The following GATAD2B variants were observed in gnomAD, a reference collection of about 807,000 sequenced individuals.
The protein encoded by GATAD2B is GATA zinc finger domain containing 2B.
In GATAD2B, 8 loss-of-function variants were observed where a neutral mutation model predicts 64.3. That is an observed-to-expected ratio of 0.12 (90% CI 0.07 to 0.22). The LOEUF (loss-of-function observed/expected upper bound fraction) is 0.22, where lower values mean the gene tolerates loss of function less well. GATAD2B is among the 10% of genes least tolerant of loss of function. The pLI, the probability that GATAD2B is intolerant of heterozygous loss-of-function variation, is 1.00. For missense variants in GATAD2B, 453 were observed against 752.0 expected (o/e 0.60, Z 4.65); for synonymous variants, 281 against 271.3 (o/e 1.04, Z -0.35).
At chr1:153,838,714 G>T (rs905155940) in intron 1 of GATAD2B, among the ~76,000 whole-genome samples, 1 of 152,150 alleles carries the variant, frequency 6.6e-6, no homozygotes, top group Non-Finnish European at 1.5e-5. Flanking sequence ...AGGAGTTGGT[G>T]ACTTAGATTT....
In GATAD2B at chr1:153,817,439, C is replaced by T; in HGVS notation, c.833G>A (p.Gly278Asp). ...PNPAQLQGQR[G>D]PPKPGLVRTT... ...GCGTACAAGGCCAGGCTTAGGCGGG[C>T]CCCGCTGACCCTGTAGCTGGGCTGG... Residue 278 changes from glycine to aspartate, a missense_variant, in exon 6 of 11, where the codon GGC becomes GAC. Transcript: ENST00000368655. The T allele has an allele frequency of 6.2e-7, 1 of 1,612,184 alleles. No homozygotes were observed. Among genetic ancestry groups the T allele is most frequent in the Non-Finnish European group, 8.5e-7 (1 of 1,179,426 alleles).
chr1:153,862,730 T>C (rs1250841243), intron 1 of GATAD2B, among the ~76,000 whole-genome samples: 1 of 148,568 alleles, frequency 6.7e-6, no homozygotes, highest in Non-Finnish European at 1.5e-5. Context: ...TATTTCTTTT[T>C]TTTTTTTTTT....
intron 1 of GATAD2B, chr1:153,890,889 T>C (rs972401534): frequency 5.3e-5 from 8 of 152,242 alleles, no homozygotes; most frequent in African/African-American, 1.9e-4. Flanking sequence ...AGTTTTTCTT[T>C]AATAAAATGT....
rs377502166 is a variant in GATAD2B, at chr1:153,812,026, C to T, written c.1526G>A (p.Arg509Gln). 1.9e-6 allele frequency: 3 copies of T among 1,590,376 alleles called. No homozygotes were observed. The highest frequency in any genetic ancestry group is 1.3e-5 in the African/African-American group (1 of 74,446). The change falls in exon 9 of 11, where the codon CGG (arginine) becomes CAG (glutamine). Residue 509 changes from arginine (R) to glutamine (Q), a missense_variant. Physicochemically the swap from Arg to Gln is conservative, Grantham distance 43. Transcript: ENST00000368655. ...QETIMRHHTL[R>Q]QAPQPQSSLQ... ...ATCAGGCAAAAAGTTCCTTACCTGC[C>T]GAAGCGTATGATGTCTCATGATGGT...
rs953679742 is a variant in GATAD2B at position 153,804,882 on chromosome 1, T to C, written c.*5295A>G. On this transcript the variant is annotated 3_prime_UTR_variant, in exon 11 of 11. Coordinates refer to ENST00000368655, the MANE Select transcript of GATAD2B (RefSeq NM_020699.4). ...GCATCTGAAACAGATGGGAGTGTAT[T>C]TGCCTTTTTGAAAACCAGTTTCTAT... is the stretch of plus-strand genomic sequence containing the variant. 6.5e-6 allele frequency: 1 copy of C among 152,746 alleles called. No homozygotes were observed. Among genetic ancestry groups the C allele is most frequent in the Non-Finnish European group, 1.5e-5 (1 of 68,032 alleles). The allele number at this position is 152,746 out of a possible 1,614,324, so 9.5% of individuals were successfully genotyped here.
chr1:153,894,946 G>A (rs1482007811), intron 1 of GATAD2B, among the ~76,000 whole-genome samples: 1 of 152,038 alleles, frequency 6.6e-6, no homozygotes, highest in East Asian at 1.9e-4. Context: ...ATCACCTGAG[G>A]TCAGGAGCTC....
At chr1:153,882,487 C>A (rs1486423928) in intron 1 of GATAD2B, among the ~76,000 whole-genome samples, 1 of 152,184 alleles carries the variant, frequency 6.6e-6, no homozygotes, top group Non-Finnish European at 1.5e-5. Flanking sequence ...CCGTTCAGGG[C>A]AGCTGAATCC....
At chr1:153,901,421 T>C (rs1391741867) in intron 1 of GATAD2B, among the ~76,000 whole-genome samples, 1 of 152,082 alleles carries the variant, frequency 6.6e-6, no homozygotes, top group Non-Finnish European at 1.5e-5. Flanking sequence ...ACGAGAGTGA[T>C]GCGTAGAGGG....
intron 1 of GATAD2B, among the ~76,000 whole-genome samples, chr1:153,848,533 T>TA (rs1675768336): frequency 6.6e-6 from 1 of 152,194 alleles, no homozygotes; most frequent in African/African-American, 2.4e-5. Flanking sequence ...CTTCTAACTG[T>TA]AAAAATGAAG....
intron 8 of GATAD2B, among the ~76,000 whole-genome samples, chr1:153,812,904 C>T (rs528043223): frequency 4.6e-5 from 7 of 152,268 alleles, no homozygotes; most frequent in East Asian, 3.9e-4. Flanking sequence ...TTATCAAACA[C>T]GCACTGCAAA....
chr1:153,895,163 A>G (rs1437905706), intron 1 of GATAD2B, among the ~76,000 whole-genome samples: 1 of 151,830 alleles, frequency 6.6e-6, no homozygotes. Flanking sequence ...CGTCTCAAAA[A>G]CAAACAAACA....
At chr1:153,899,657 GT>G (rs1484707370) in intron 1 of GATAD2B, among the ~76,000 whole-genome samples, 1 of 151,576 alleles carries the variant, frequency 6.6e-6, no homozygotes, top group East Asian at 1.9e-4. Flanking sequence ...AAAGACAACT[GT>G]TTTTTTTGAA....
rs571417389 is a variant in GATAD2B, at chr1:153,808,938, A to T, written c.*1239T>A. ...TTTGGCTTTGAGCAGTTGGTTCTGCAGCTGGTGCAGCAGAGTAAGGACAGG... is the reference window on the plus strand; with the variant it reads ...TTTGGCTTTGAGCAGTTGGTTCTGCTGCTGGTGCAGCAGAGTAAGGACAGG... On this transcript the variant is annotated 3_prime_UTR_variant, in exon 11 of 11. Coordinates refer to ENST00000368655, the MANE Select transcript of GATAD2B (RefSeq NM_020699.4). The T allele has an allele frequency of 1.3e-5, 2 of 152,210 alleles. No homozygotes were observed. The highest frequency in any genetic ancestry group is 2.9e-5 in the Non-Finnish European group (2 of 68,066). 9.4% of individuals were successfully genotyped at this position (152,210 alleles called of 1,614,324 possible). A position where few individuals can be genotyped will look rare whatever the true frequency, so the allele number is the denominator to read the frequency against.
rs751862065 is a variant in GATAD2B, at chr1:153,816,636, G to C, written c.901-48C>G. On this transcript the variant is annotated intron_variant, in intron 6 of 10. Transcript: ENST00000368655. The surrounding 1 kb of genome is among the most constrained non-coding windows in gnomAD (Gnocchi z 4.9). ...TCAATCATGGTATGCAGGAGAAAGG[G>C]CCAATTCTTACGTTCTTGGCAGAGG... The C allele has an allele frequency of 7.7e-7, 1 of 1,300,752 alleles. No individual in the cohort carries two copies. Among genetic ancestry groups the C allele is most frequent in the South Asian group, 1.2e-5 (1 of 81,342 alleles). The allele number at this position is 1,300,752 out of a possible 1,614,324, so 80.6% of individuals were successfully genotyped here. A position where few individuals can be genotyped will look rare whatever the true frequency, so the allele number is the denominator to read the frequency against.
At chr1:153,815,275 A>AAAAAC (rs1329804575) in intron 7 of GATAD2B, among the ~76,000 whole-genome samples, 6 of 136,758 alleles carry the variant, frequency 4.4e-5, no homozygotes, top group Non-Finnish European at 9.8e-5. Context: ...CCTGTCTCAA[A>AAAAAC]AAAACAAAAA....
chr1:153,920,161 G>A (rs1678386231), intron 1 of GATAD2B, among the ~76,000 whole-genome samples: 1 of 152,176 alleles, frequency 6.6e-6, no homozygotes, highest in African/African-American at 2.4e-5. Flanking sequence ...AGGAAAGGAA[G>A]AAGAATCAGT....
intron 1 of GATAD2B, among the ~76,000 whole-genome samples, chr1:153,841,124 CAAAAAAAA>C (rs941317761): frequency 2.6e-5 from 2 of 77,438 alleles, no homozygotes; most frequent in African/African-American, 1.1e-4. Flanking sequence ...GACTCCGTCT[CAAAAAAAA>C]AAAAAAAAAG....
intron 6 of GATAD2B, among the ~76,000 whole-genome samples, 173 bp downstream of exon 6, chr1:153,817,189 TTTTAATATAA>T (rs1173916626): frequency 6.6e-6 from 1 of 152,248 alleles, no homozygotes; most frequent in Non-Finnish European, 1.5e-5. Flanking sequence ...TCCACTACTA[TTTTAATATAA>T]TTCCTCAAAG....
In GATAD2B at chr1:153,812,387, T is replaced by C. The variant is rs559060856; in HGVS notation, c.1420-255A>G. The C allele has an allele frequency of 3.0e-5, 12 of 399,642 alleles. No individual in the cohort carries two copies. In the South Asian group the frequency reaches 8.7e-4, roughly 29 times the overall value. The allele number at this position is 399,642 out of a possible 1,614,324, so 24.8% of individuals were successfully genotyped here. On this transcript the variant is annotated intron_variant, in intron 8 of 10. Transcript: ENST00000368655. ...TGTTCTTACCTCTAATGTTGTTGGC[T>C]AGTTGGTGGAATATGGAAAAGGCAA... is the stretch of plus-strand genomic sequence containing the variant.
Sources: gnomAD v4.1 joint callset for allele counts (sites outside exome capture counted in the v4.1 genomes callset) on GRCh38, gnomAD v4.1.1 for gene constraint, Gnocchi (gnomAD v3.1) non-coding constraint, MANE v1.5 for transcripts, NCBI Gene and HGNC (gene_info 2026-07-23, HGNC 2026-07-21) for gene names.